The following BCKDHB variants were observed in gnomAD, a reference collection of about 807,000 sequenced individuals.
The protein encoded by BCKDHB is 2-oxoisovalerate dehydrogenase subunit beta, mitochondrial.
A neutral mutation model predicts 48.5 loss-of-function variants in BCKDHB; 41 were observed. That is an observed-to-expected ratio of 0.85 (90% CI 0.66 to 1.10). The LOEUF is 1.10. Ranked by LOEUF, BCKDHB falls within the 50% of genes least tolerant of loss-of-function variation. The probability of loss-of-function intolerance (pLI) is 0.00; values close to 1 mark genes in which losing one functional copy is unlikely to be tolerated. For synonymous variants in BCKDHB, 201 were observed against 174.8 expected, an observed-to-expected ratio of 1.15 and a Z score of -1.18; for missense variants, 496 against 494.2, an observed-to-expected ratio of 1.00 and a Z score of -0.03.
At chr6:80,226,494 C>T (rs1037643763) in intron 8 of BCKDHB, among the ~76,000 whole-genome samples, 3 of 152,134 alleles carry the variant, frequency 2.0e-5, no homozygotes, top group Non-Finnish European at 4.4e-5. Context: ...ACTTTGCATC[C>T]CTTTTTGGCC....
chr6:80,448,948 A>G, the BCKDHB span, among the ~76,000 whole-genome samples: 2 of 152,176 alleles, frequency 1.3e-5, no homozygotes, highest in African/African-American at 4.8e-5. Flanking sequence ...AAAAGTGGAA[A>G]CTAGGAAACA....
At chr6:80,372,278 T>A in the BCKDHB span, among the ~76,000 whole-genome samples, 1 of 152,152 alleles carries the variant, frequency 6.6e-6, no homozygotes, top group Non-Finnish European at 1.5e-5. Context: ...TCACTGTTGG[T>A]GTATAGCAGA....
chr6:80,236,132 T>G (rs1473002836), intron 8 of BCKDHB, among the ~76,000 whole-genome samples: 1 of 151,386 alleles, frequency 6.6e-6, no homozygotes, highest in Non-Finnish European at 1.5e-5. Context: ...TGGTATGCTG[T>G]TATTCTTTAA....
downstream of BCKDHB, among the ~76,000 whole-genome samples, chr6:80,348,844 C>G (rs1375957795): frequency 6.6e-6 from 1 of 152,024 alleles, no homozygotes; most frequent in Non-Finnish European, 1.5e-5. Flanking sequence ...GTTTGGAAAG[C>G]AATAGAAAAT....
At chr6:80,420,028 T>C in the BCKDHB span, among the ~76,000 whole-genome samples, 1 of 152,216 alleles carries the variant, frequency 6.6e-6, no homozygotes, top group Non-Finnish European at 1.5e-5. Flanking sequence ...GTTGAATTTC[T>C]CATTTTATTC....
intron 3 of BCKDHB, among the ~76,000 whole-genome samples, chr6:80,137,010 G>T (rs1188982807): frequency 3.3e-5 from 5 of 152,134 alleles, no homozygotes; most frequent in Admixed American, 6.6e-5. Context: ...TTGTTGGTGG[G>T]AATGTAAAGC....
chr6:80,307,731 C>A (rs757348450), intron 9 of BCKDHB: 7 of 979,532 alleles, frequency 7.1e-6, no homozygotes, highest in Non-Finnish European at 8.5e-6. Flanking sequence ...TTTTGTTAGA[C>A]CATATTGTCA....
chr6:80,163,594 C>G (rs1316529185), intron 3 of BCKDHB, among the ~76,000 whole-genome samples: 1 of 152,134 alleles, frequency 6.6e-6, no homozygotes, highest in Non-Finnish European at 1.5e-5. Context: ...CTTCTTTTCT[C>G]TCTATTTAAA....
intron 8 of BCKDHB, among the ~76,000 whole-genome samples, chr6:80,242,762 A>G (rs1181887166): frequency 6.6e-6 from 1 of 152,138 alleles, no homozygotes; most frequent in Non-Finnish European, 1.5e-5. Flanking sequence ...GCTGTTAACC[A>G]GGGTGGGGAC....
Position 80,333,362 on chromosome 6 carries a change from A to G in BCKDHB, c.1039-10302A>G, listed in dbSNP as rs139388201. Among the ~76,000 whole-genome samples, 1,245 of 152,300 alleles carry G rather than the reference A, an allele frequency of 8.2e-3. 20 individuals are homozygous for G. Among genetic ancestry groups the G allele is most frequent in the African/African-American group, 0.028 (1,174 of 41,576 alleles). The stretch of plus-strand genomic sequence containing the variant: ...ATTAAAGGAGACTATATAAACAGCT[A>G]TTTTTATTTATGATTAAATAATATC... On this transcript the variant is annotated intron_variant, in intron 9 of 9. Coordinates refer to ENST00000320393, the MANE Select transcript of BCKDHB (RefSeq NM_183050.4).
intron 9 of BCKDHB, among the ~76,000 whole-genome samples, chr6:80,280,815 G>A (rs1258577625): frequency 6.6e-6 from 1 of 152,122 alleles, no homozygotes; most frequent in Non-Finnish European, 1.5e-5. Context: ...CATGGGAGTA[G>A]GTTAGAGAAA....
At chr6:80,154,958 A>G (rs1771967487) in intron 3 of BCKDHB, among the ~76,000 whole-genome samples, 1 of 152,046 alleles carries the variant, frequency 6.6e-6, no homozygotes, top group Non-Finnish European at 1.5e-5. Context: ...GAGATTTTAC[A>G]CTCCCTTTTT....
In BCKDHB at chr6:80,168,863, T is replaced by G; in HGVS notation, c.478-12T>G. 1 of 1,613,958 alleles carries G rather than the reference T, an allele frequency of 6.2e-7. No individual in the cohort carries two copies. Among genetic ancestry groups the G allele is most frequent in the Non-Finnish European group, 8.5e-7 (1 of 1,179,924 alleles). The stretch of plus-strand genomic sequence containing the variant: ...CATTGTGCCATGCCCCGTCTTTCTT[T>G]CTGACCCTCAGATTGTTAATGAAGC... On this transcript the variant is annotated splice_polypyrimidine_tract_variant and intron_variant, in intron 4 of 9. Transcript: ENST00000320393.
At chr6:80,425,251 C>T in the BCKDHB span, among the ~76,000 whole-genome samples, 1 of 152,102 alleles carries the variant, frequency 6.6e-6, no homozygotes, top group African/African-American at 2.4e-5. Flanking sequence ...GAAAAAAAGA[C>T]AACTAACATT....
chr6:80,439,210 C>T, the BCKDHB span, among the ~76,000 whole-genome samples: 31 of 152,204 alleles, frequency 2.0e-4, no homozygotes, highest in African/African-American at 6.5e-4. Flanking sequence ...TCAGAGGTTT[C>T]GACTCAATCA....
intron 1 of BCKDHB, among the ~76,000 whole-genome samples, chr6:80,125,693 G>A (rs1016104220): frequency 6.6e-6 from 1 of 152,130 alleles, no homozygotes; most frequent in Non-Finnish European, 1.5e-5. Flanking sequence ...GAGAATGACT[G>A]GTCAGTGGAT....
the BCKDHB span, among the ~76,000 whole-genome samples, chr6:80,419,523 C>A: frequency 6.6e-6 from 1 of 152,166 alleles, no homozygotes; most frequent in Non-Finnish European, 1.5e-5. Context: ...GCAAGTTGAG[C>A]TTAGGGGGAT....
the BCKDHB span, among the ~76,000 whole-genome samples, chr6:80,415,353 T>C: frequency 0.012 from 1,858 of 152,240 alleles, 16 homozygotes; most frequent in Non-Finnish European, 0.021. Context: ...GTCCTCCCAG[T>C]TTTCAAGGGA....
chr6:80,181,220 C>A (rs182033530), intron 6 of BCKDHB, among the ~76,000 whole-genome samples: 1 of 152,228 alleles, frequency 6.6e-6, no homozygotes, highest in Admixed American at 6.5e-5. Flanking sequence ...TTCTGATACC[C>A]TCTTGAGTTT....
Sources: gnomAD v4.1 joint callset for allele counts (sites outside exome capture counted in the v4.1 genomes callset) on GRCh38, gnomAD v4.1.1 for gene constraint, MANE v1.5 for transcripts, NCBI Gene and HGNC (gene_info 2026-07-23, HGNC 2026-07-21) for gene names.